Variants in CEPT1 observed in about 807,000 individuals in gnomAD.
CEPT1 encodes choline/ethanolaminephosphotransferase 1.
Under a neutral mutation model 42.6 loss-of-function variants are expected in CEPT1, and 7 were observed. The observed-to-expected ratio is 0.16, with a 90% confidence interval of 0.09 to 0.31. CEPT1 has a LOEUF of 0.31. CEPT1 is among the 10% of genes least tolerant of loss of function. CEPT1 has a pLI of 1.00. For synonymous variants in CEPT1, 171 were observed against 171.9 expected, an observed-to-expected ratio of 0.99 and a Z score of 0.04; for missense variants, 306 against 502.1, an observed-to-expected ratio of 0.61 and a Z score of 3.73.
At chr1:111,146,894 G>A (rs1402400564) in intron 1 of CEPT1, among the ~76,000 whole-genome samples, 2 of 151,478 alleles carry the variant, frequency 1.3e-5, no homozygotes, top group African/African-American at 2.4e-5. Flanking sequence ...TCTCCACCGA[G>A]AATACCGTCT....
At chr1:111,164,285 TA>T (rs1349023897) in intron 4 of CEPT1, among the ~76,000 whole-genome samples, 1 of 152,222 alleles carries the variant, frequency 6.6e-6, no homozygotes, top group Non-Finnish European at 1.5e-5. Flanking sequence ...TGATCACAGC[TA>T]AAAGCTACCT....
chr1:111,163,263 CA>C (rs1655964512), intron 4 of CEPT1, among the ~76,000 whole-genome samples: 1 of 152,104 alleles, frequency 6.6e-6, no homozygotes, highest in Non-Finnish European at 1.5e-5. Context: ...ATCCAATTTT[CA>C]GAAATTCTAC....
chr1:111,182,051 G>C, intron 5 of CEPT1, 136 bp from the exon 6 acceptor site: 1 of 566,192 alleles, frequency 1.8e-6, no homozygotes, highest in Non-Finnish European at 3.0e-6. Flanking sequence ...AAGAGGAAAA[G>C]GACACTTTCA....
intron 1 of CEPT1, among the ~76,000 whole-genome samples, chr1:111,145,092 T>G (rs946450844): frequency 1.3e-5 from 2 of 152,104 alleles, no homozygotes; most frequent in African/African-American, 4.8e-5. Context: ...CTCGGCTCAC[T>G]GCAACCTTCG....
intron 1 of CEPT1, chr1:111,140,556 G>A (rs1467876457): frequency 1.3e-5 from 2 of 152,692 alleles, no homozygotes; most frequent in South Asian, 2.1e-4. Flanking sequence ...GGAGACATTG[G>A]GGTGGCGGAG....
intron 4 of CEPT1, chr1:111,173,248 C>G (rs1016532814): frequency 6.6e-6 from 1 of 152,154 alleles, no homozygotes; most frequent in Non-Finnish European, 1.5e-5. Context: ...ATTGGCAACA[C>G]CACTCACCAG....
intron 1 of CEPT1, among the ~76,000 whole-genome samples, chr1:111,140,775 A>G (rs1654459169): frequency 6.6e-6 from 1 of 152,176 alleles, no homozygotes; most frequent in Non-Finnish European, 1.5e-5. Flanking sequence ...CCCCTTAGGA[A>G]TGCGGTGCTG....
At chr1:111,161,427 T>C in intron 4 of CEPT1, 131 bp downstream of exon 4, 1 of 819,162 alleles carries the variant, frequency 1.2e-6, no homozygotes, top group East Asian at 2.8e-5. Context: ...TTATGCTTCA[T>C]TATTATAGCT....
Position 111,184,215 on chromosome 1 carries a change from C to G in CEPT1, c.1156C>G (p.Arg386Gly). 2 of 1,613,398 alleles carry G rather than the reference C, an allele frequency of 1.2e-6. No individual in the cohort carries two copies. The highest frequency in any genetic ancestry group is 1.7e-6 in the Non-Finnish European group (2 of 1,179,538). Residue 386 changes from arginine to glycine, a missense_variant, in exon 9 of 9, where the codon CGC becomes GGC. Transcript: ENST00000357172. ...ALVFSFFDLI[R>G]YCVSVCNQIA... The stretch of plus-strand genomic sequence containing the variant: ...GGTTTTCTCTTTCTTTGATTTGATC[C>G]GCTACTGTGTCAGTGTTTGCAATCA...
At position 111,159,474 on chromosome 1, in the gene CEPT1, G is replaced by A; in HGVS notation, c.434G>A (p.Ser145Asn). ...GGGAAACAGGCAAGAAGAACCAATA[G>A]TAGTTCTCCTCTGGGAGAACTTTTT... ...IDGKQARRTN[S>N]SSPLGELFDH... Residue 145 changes from serine to asparagine, a missense_variant, in exon 3 of 9, where the codon AGT (serine) becomes AAT (asparagine). Ser to Asn is a conservative substitution (Grantham distance 46). Around this residue, in one of 2 missense-constraint regions of CEPT1, gnomAD observed 253 missense variants for 447.3 expected, o/e 0.57. Transcript: ENST00000357172. 6.2e-7 allele frequency: 1 copy of A among 1,612,582 alleles called. No individual in the cohort carries two copies. Among genetic ancestry groups the A allele is most frequent in the Non-Finnish European group, 8.5e-7 (1 of 1,179,388 alleles).
chr1:111,166,233 C>G (rs1266247864), intron 4 of CEPT1, among the ~76,000 whole-genome samples: 1 of 152,162 alleles, frequency 6.6e-6, no homozygotes, highest in Non-Finnish European at 1.5e-5. Context: ...TCTCAGATCA[C>G]CAGGTAAAAT....
At chr1:111,151,133 T>G (rs1181644982) in intron 2 of CEPT1, among the ~76,000 whole-genome samples, 23 of 150,966 alleles carry the variant, frequency 1.5e-4, no homozygotes, top group Admixed American at 9.2e-4. Flanking sequence ...TGTTTGTTTT[T>G]TTTTTTTTTT....
intron 4 of CEPT1, among the ~76,000 whole-genome samples, chr1:111,163,228 G>A (rs934153304): frequency 4.6e-5 from 7 of 152,108 alleles, no homozygotes; most frequent in African/African-American, 1.7e-4. Flanking sequence ...TATTACAAGG[G>A]ATTAGTTTTA....
chr1:111,151,882 T>G (rs975746296), intron 2 of CEPT1, among the ~76,000 whole-genome samples: 1 of 152,220 alleles, frequency 6.6e-6, no homozygotes, highest in Admixed American at 6.5e-5. Flanking sequence ...TCTTGTATTG[T>G]TATGCCAGAG....
At chr1:111,146,236 A>T (rs1021032719) in intron 1 of CEPT1, among the ~76,000 whole-genome samples, 8 of 152,088 alleles carry the variant, frequency 5.3e-5, no homozygotes, top group Admixed American at 3.3e-4. Context: ...TTTTAAGTTG[A>T]TGACCTGAAC....
rs138253726 is a variant in CEPT1 at position 111,157,011 on chromosome 1, A to C, written c.340-2369A>C. On this transcript the variant is annotated intron_variant, in intron 2 of 8. Transcript: ENST00000357172. The stretch of plus-strand genomic sequence containing the variant: ...TTCTGAATGATGCATGAGTTCCTTC[A>C]TTCATTCAGTATCTCCCCCAGGGTC... Among the ~76,000 whole-genome samples the C allele has an allele frequency of 6.7e-3, 1,020 of 152,284 alleles. 3 individuals are homozygous for C. The highest frequency in any genetic ancestry group is 0.011 in the Admixed American group (168 of 15,294).
chr1:111,166,128 G>A (rs1391135615), intron 4 of CEPT1, among the ~76,000 whole-genome samples: 2 of 151,946 alleles, frequency 1.3e-5, no homozygotes, highest in African/African-American at 4.8e-5. Context: ...GTTCATTTGG[G>A]CCTCAGCTCC....
chr1:111,157,720 A>G (rs1655646054), intron 2 of CEPT1, among the ~76,000 whole-genome samples: 4 of 152,236 alleles, frequency 2.6e-5, no homozygotes, highest in Non-Finnish European at 5.9e-5. Context: ...GGTATGTGCT[A>G]GCTCCTTTGG....
chr1:111,180,113 T>C (rs1425007634), intron 5 of CEPT1: 1 of 152,240 alleles, frequency 6.6e-6, no homozygotes, highest in Non-Finnish European at 1.5e-5. Flanking sequence ...AATACAGTTA[T>C]GACTCTCATT....
Sources: gnomAD v4.1 joint callset for allele counts (sites outside exome capture counted in the v4.1 genomes callset) on GRCh38, gnomAD v4.1.1 for gene constraint, gnomAD v4.1.1 regional missense constraint, MANE v1.5 for transcripts, NCBI Gene and HGNC (gene_info 2026-07-23, HGNC 2026-07-21) for gene names.